CCDC178: variants seen among roughly 807,000 people sequenced by gnomAD.
CCDC178 encodes the protein coiled-coil domain-containing protein 178.
A neutral mutation model predicts 117.4 loss-of-function variants in CCDC178; 126 were observed. That is an observed-to-expected ratio of 1.07 (90% CI 0.93 to 1.24). The LOEUF (loss-of-function observed/expected upper bound fraction) is 1.24, where lower values mean the gene tolerates loss of function less well. Ranked by LOEUF, CCDC178 falls within the 50% of genes most tolerant of loss-of-function variation. CCDC178 has a pLI of 0.00. For missense variants in CCDC178, 1,030 were observed against 986.9 expected, an observed-to-expected ratio of 1.04 and a Z score of -0.59; for synonymous variants, 283 against 313.4, an observed-to-expected ratio of 0.90 and a Z score of 1.02.
intron 20 of CCDC178, among the ~76,000 whole-genome samples, chr18:33,102,816 AC>A (rs558725397): frequency 4.6e-5 from 7 of 151,864 alleles, no homozygotes; most frequent in Non-Finnish European, 1.0e-4. Flanking sequence ...GGATAAGCCA[AC>A]TATGGCTCTC....
chr18:33,281,369 G>C (rs1216690263), intron 12 of CCDC178, among the ~76,000 whole-genome samples: 2 of 151,516 alleles, frequency 1.3e-5, no homozygotes, highest in Non-Finnish European at 2.9e-5. Context: ...AATTTAAATC[G>C]TAAATTATAT....
chr18:33,016,280 CA>C (rs2055987449), intron 21 of CCDC178, among the ~76,000 whole-genome samples: 1 of 151,794 alleles, frequency 6.6e-6, no homozygotes, highest in African/African-American at 2.4e-5. Context: ...AACTATCTTT[CA>C]AAAATGAAGG....
intron 15 of CCDC178, among the ~76,000 whole-genome samples, chr18:33,235,220 A>G (rs1279873798): frequency 6.6e-6 from 1 of 152,126 alleles, no homozygotes; most frequent in Non-Finnish European, 1.5e-5. Flanking sequence ...GTTATGCACC[A>G]GATTACTGTG....
intron 21 of CCDC178, among the ~76,000 whole-genome samples, chr18:33,089,238 A>G (rs1474549607): frequency 6.6e-6 from 1 of 152,092 alleles, no homozygotes; most frequent in Non-Finnish European, 1.5e-5. Context: ...TTAGCCATGT[A>G]TAGGACTGTT....
intron 15 of CCDC178, among the ~76,000 whole-genome samples, chr18:33,227,153 T>C (rs1205978539): frequency 6.6e-6 from 1 of 152,052 alleles, no homozygotes; most frequent in African/African-American, 2.4e-5. Flanking sequence ...CAATTTCTCC[T>C]TTTAAAAACT....
chr18:33,227,577 TATACACAC>T (rs1274048344), intron 15 of CCDC178, among the ~76,000 whole-genome samples: 1 of 138,612 alleles, frequency 7.2e-6, no homozygotes, highest in Admixed American at 7.4e-5. Flanking sequence ...TATATATATA[TATACACAC>T]ACACACACAC....
intron 20 of CCDC178, among the ~76,000 whole-genome samples, chr18:33,121,499 T>C (rs1029289199): frequency 3.9e-5 from 6 of 152,190 alleles, no homozygotes; most frequent in Admixed American, 1.3e-4. Flanking sequence ...GACACAGATA[T>C]AGACATAGAC....
intron 5 of CCDC178, among the ~76,000 whole-genome samples, chr18:33,388,508 T>C (rs2063523835): frequency 6.8e-6 from 1 of 147,098 alleles, no homozygotes; most frequent in African/African-American, 2.5e-5. Context: ...GTGGTACATA[T>C]ACACCACGGA....
chr18:33,405,248 T>C (rs1372455244), intron 3 of CCDC178, among the ~76,000 whole-genome samples: 5 of 151,740 alleles, frequency 3.3e-5, no homozygotes, highest in African/African-American at 1.2e-4. Context: ...ATTACAAAAA[T>C]GTATGTTATT....
At chr18:33,187,314 C>G (rs1189362342) in intron 20 of CCDC178, among the ~76,000 whole-genome samples, 1 of 151,970 alleles carries the variant, frequency 6.6e-6, no homozygotes, top group Non-Finnish European at 1.5e-5. Flanking sequence ...TATGGCCCAC[C>G]CTGTCTCCAC....
intron 20 of CCDC178, among the ~76,000 whole-genome samples, chr18:33,190,122 G>A (rs554219835): frequency 3.3e-5 from 5 of 152,230 alleles, no homozygotes; most frequent in South Asian, 2.1e-4. Flanking sequence ...ATGAGCCCCC[G>A]CTTCATGGTT....
intron 14 of CCDC178, among the ~76,000 whole-genome samples, chr18:33,251,283 A>G (rs2059616676): frequency 6.6e-6 from 1 of 151,770 alleles, no homozygotes; most frequent in South Asian, 2.1e-4. Context: ...GTGTACCAGT[A>G]AGCTGGTAAG....
At chr18:32,944,568 G>T (rs1397346002) in intron 22 of CCDC178, among the ~76,000 whole-genome samples, 1 of 152,090 alleles carries the variant, frequency 6.6e-6, no homozygotes, top group South Asian at 2.1e-4. Flanking sequence ...AAGGTTTATG[G>T]TTTTTTTCCC....
rs570482197 is a variant in CCDC178 at position 33,327,053 on chromosome 18, T to A, written c.880-3420A>T. Among the ~76,000 whole-genome samples the A allele has an allele frequency of 1.1e-4, 16 of 152,264 alleles. No individual in the cohort carries two copies. The South Asian group carries it at 3.3e-3, about 32-fold the overall frequency. On this transcript the variant is annotated intron_variant, in intron 10 of 22. Coordinates refer to ENST00000383096, the MANE Select transcript of CCDC178 (RefSeq NM_001105528.4). ...GGGTCAAGATTGCATAATAAAAAAA[T>A]AATAATTTTAAAGAGTTTTAAAACT...
chr18:33,100,677 G>T (rs2057612451), intron 20 of CCDC178, among the ~76,000 whole-genome samples: 1 of 151,908 alleles, frequency 6.6e-6, no homozygotes, highest in Non-Finnish European at 1.5e-5. Context: ...AAATACAGAT[G>T]CTTATTAATT....
intron 21 of CCDC178, among the ~76,000 whole-genome samples, chr18:33,015,513 C>A (rs976822080): frequency 2.0e-5 from 3 of 151,750 alleles, no homozygotes; most frequent in South Asian, 2.1e-4. Context: ...TGCAGTGAGC[C>A]GAGATCGCAC....
intron 3 of CCDC178, among the ~76,000 whole-genome samples, chr18:33,408,267 C>G (rs909312659): frequency 2.0e-5 from 3 of 151,614 alleles, no homozygotes; most frequent in Non-Finnish European, 4.4e-5. Flanking sequence ...AATGGCAAAA[C>G]ATTAAAAGTC....
rs748046958 is a variant in CCDC178, at chr18:33,181,891, T to TA, written c.2238+30004dup. Among the ~76,000 whole-genome samples the TA allele has an allele frequency of 7.2e-5, 11 of 151,976 alleles. No individual in the cohort carries two copies. In the East Asian group the frequency reaches 1.9e-3, roughly 27 times the overall value. ...TATTAAGAAAAAAAGTCACTAATCATAAAATCTCTTAAGTTATAACATTTT... is the reference window on the plus strand; with the variant it reads ...TATTAAGAAAAAAAGTCACTAATCATAAAAATCTCTTAAGTTATAACATTTT... On this transcript the variant is annotated intron_variant, in intron 20 of 22. Coordinates refer to ENST00000383096, the MANE Select transcript of CCDC178 (RefSeq NM_001105528.4).
intron 2 of CCDC178, among the ~76,000 whole-genome samples, chr18:33,437,069 G>T (rs1234283779): frequency 1.3e-5 from 2 of 152,146 alleles, no homozygotes; most frequent in Non-Finnish European, 2.9e-5. Flanking sequence ...TTAAGCAATG[G>T]AACACTTAAG....
Sources: allele counts gnomAD v4.1 joint callset (sites outside exome capture counted in the v4.1 genomes callset), GRCh38; gene constraint gnomAD v4.1.1; transcripts MANE v1.5; gene names NCBI Gene and HGNC (gene_info 2026-07-23, HGNC 2026-07-21).